MED23: variants seen among roughly 807,000 people sequenced by gnomAD.
The protein encoded by MED23 is mediator complex subunit 23, also known as mediator of RNA polymerase II transcription subunit 23.
MED23 carries 105 observed loss-of-function variants against 163.9 expected under a neutral mutation model. The ratio of observed to expected loss-of-function variants is 0.64; its 90% CI spans 0.55 to 0.75. The LOEUF (loss-of-function observed/expected upper bound fraction) is 0.75, where lower values mean the gene tolerates loss of function less well. Ranked by LOEUF, MED23 falls within the 30% of genes least tolerant of loss-of-function variation. The probability of loss-of-function intolerance (pLI) is 0.00; values close to 1 mark genes in which losing one functional copy is unlikely to be tolerated. For synonymous variants in MED23, 561 were observed against 565.6 expected, an observed-to-expected ratio of 0.99 and a Z score of 0.12; for missense variants, 1,054 against 1,649.0, an observed-to-expected ratio of 0.64 and a Z score of 6.25.
intron 9 of MED23, 143 bp from the exon 10 acceptor site, chr6:131,616,145 AT>A (rs1776672880): frequency 5.7e-6 from 4 of 702,314 alleles, no homozygotes; most frequent in Non-Finnish European, 1.0e-5. Context: ...AAATCATAGG[AT>A]TTTAGTGCTT....
rs942060268 is a variant in MED23 at position 131,587,049 on chromosome 6, T to G, written c.*630A>C. On this transcript the variant is annotated 3_prime_UTR_variant, in exon 29 of 29. Coordinates refer to ENST00000368068, the MANE Select transcript of MED23 (RefSeq NM_004830.4). ...GTTATTTTCTTACATGGCTTCCAAC[T>G]AATTTTATACAGTAAGTTCAAGTCC... 7.1e-7 allele frequency: 1 copy of G among 1,413,734 alleles called. No individual in the cohort carries two copies. The highest frequency in any genetic ancestry group is 1.4e-5 in the African/African-American group (1 of 68,970). The allele number at this position is 1,413,734 out of a possible 1,614,324, so 87.6% of individuals were successfully genotyped here.
chr6:131,625,996 C>G (rs1013535776), intron 3 of MED23, among the ~76,000 whole-genome samples: 1 of 151,514 alleles, frequency 6.6e-6, no homozygotes, highest in Non-Finnish European at 1.5e-5. Flanking sequence ...ATAGCAGGTG[C>G]CTGTAGTCCC....
downstream of MED23, chr6:131,582,758 T>G (rs201481295): frequency 2.5e-5 from 39 of 1,563,384 alleles, no homozygotes; most frequent in African/African-American, 4.2e-4. Context: ...TTTTTGTCCC[T>G]TTGTGTGCTA....
chr6:131,595,844 T>C, intron 22 of MED23, 103 bp downstream of exon 22: 1 of 832,904 alleles, frequency 1.2e-6, no homozygotes, highest in East Asian at 2.6e-5. Context: ...ATTTTTAAAA[T>C]ATTTAAAATA....
intron 23 of MED23, among the ~76,000 whole-genome samples, chr6:131,593,727 A>T (rs530908482): frequency 6.6e-6 from 1 of 152,236 alleles, no homozygotes; most frequent in East Asian, 1.9e-4. Flanking sequence ...TATTTACTAC[A>T]AACATTAATT....
In MED23 at chr6:131,620,983, T is replaced by G. The variant is rs56042701; in HGVS notation, c.496-254A>C. Among the ~76,000 whole-genome samples, 626 of 152,140 alleles carry G rather than the reference T, an allele frequency of 4.1e-3. 4 individuals are homozygous for G. Among genetic ancestry groups the G allele is most frequent in the African/African-American group, 0.014 (600 of 41,528 alleles). On this transcript the variant is annotated intron_variant, in intron 6 of 28. Coordinates refer to ENST00000368068, the MANE Select transcript of MED23 (RefSeq NM_004830.4). ...AGGCCCGGCTAACTTTTTAATTTTT[T>G]GTAAAGACAGGGTCTCCCCAGGATG...
chr6:131,599,695 G>A (rs1023004977), intron 18 of MED23, among the ~76,000 whole-genome samples: 2 of 150,770 alleles, frequency 1.3e-5, no homozygotes. Context: ...AACATGTCCA[G>A]TACCAGAGTA....
At position 131,620,110 on chromosome 6, in the gene MED23, T is replaced by A. The variant is rs576831735; in HGVS notation, c.598-214A>T. Among the ~76,000 whole-genome samples the A allele has an allele frequency of 2.0e-3, 303 of 152,242 alleles. 1 individual carries two copies. Among genetic ancestry groups the A allele is most frequent in the Non-Finnish European group, 3.4e-3 (232 of 68,006 alleles). The stretch of plus-strand genomic sequence containing the variant: ...AATTAAACCAAGTCACACCACCATA[T>A]CCTTAGCTATTTGATGAAGCTGATC... On this transcript the variant is annotated intron_variant, in intron 7 of 28. Transcript: ENST00000368068.
chr6:131,598,464 T>C lies in MED23; in HGVS notation c.2430A>G (p.Val810=), dbSNP rs745726346. Residue 810 remains valine (V), a synonymous_variant, in exon 20 of 29, where the codon GTA becomes GTG. Coordinates refer to ENST00000368068, the MANE Select transcript of MED23 (RefSeq NM_004830.4). The surrounding 1 kb of genome is among the most constrained non-coding windows in gnomAD (Gnocchi z 4.7). ...AGGCCCTGGCTCCAATTCTCTCTAA[T>C]ACTCTGGAAGGCAGAGAGTAAAACA... is the stretch of plus-strand genomic sequence containing the variant. ...TDHINQIGYR[V]LERIGARALV... is the part of the protein sequence containing the mutation. 18 of 1,614,050 alleles carry C rather than the reference T, an allele frequency of 1.1e-5. No homozygotes were observed. The highest frequency in any genetic ancestry group is 6.6e-5 in the South Asian group (6 of 91,088).
At position 131,579,251 on chromosome 6, in the gene MED23, G is replaced by A. The variant is rs374676787; in HGVS notation, c.4096-4956C>T. 74 of 1,613,932 alleles carry A rather than the reference G, an allele frequency of 4.6e-5. No homozygotes were observed. Among genetic ancestry groups the A allele is most frequent in the African/African-American group, 3.6e-4 (27 of 74,908 alleles). On this transcript the variant is annotated intron_variant, in intron 30 of 30. Coordinates refer to the MED23 transcript ENST00000354577. ...CAAGGTGGCAGAAGTCAAGAAGAAC[G>A]GAAGAATCAGCCTGGTGCTGGGCGG...
intron 28 of MED23, 22 bp downstream of exon 28, chr6:131,589,443 T>A: frequency 1.3e-6 from 2 of 1,599,224 alleles, no homozygotes; most frequent in Non-Finnish European, 1.7e-6. Flanking sequence ...TCATTAAAAA[T>A]AATTAAACAA....
intron 30 of MED23, among the ~76,000 whole-genome samples, chr6:131,577,936 C>T (rs187362616): frequency 3.3e-5 from 5 of 151,288 alleles, no homozygotes; most frequent in Non-Finnish European, 5.9e-5. Flanking sequence ...AGGAATGGAC[C>T]GCAAACACAG....
At position 131,618,416 on chromosome 6, in the gene MED23, T is replaced by G. The variant is rs1027748836; in HGVS notation, c.771A>C (p.Pro257=). Residue 257 remains proline, a synonymous_variant, in exon 9 of 29, where the codon CCA becomes CCC. Coordinates refer to ENST00000368068, the MANE Select transcript of MED23 (RefSeq NM_004830.4). ...TLRFPLKGLL[P]YDKDLFEPQT... is the part of the protein sequence containing the mutation. ...ATATTTAGCAACATACCTTATCATA[T>G]GGCAAAAGGCCTTTCAAAGGAAAAC... The G allele has an allele frequency of 6.2e-7, 1 of 1,611,610 alleles. No homozygotes were observed. Among genetic ancestry groups the G allele is most frequent in the Admixed American group, 1.7e-5 (1 of 59,972 alleles).
Position 131,586,739 on chromosome 6 carries a change from A to G in MED23, c.*940T>C. 6.9e-7 allele frequency: 1 copy of G among 1,447,778 alleles called. No individual in the cohort carries two copies. Among genetic ancestry groups the G allele is most frequent in the Non-Finnish European group, 9.2e-7 (1 of 1,084,958 alleles). The allele number at this position is 1,447,778 out of a possible 1,614,324, so 89.7% of individuals were successfully genotyped here. ...ACACTCATTCCAATGGAGTCGGGAA[A>G]CAATCACACGGTTTATTCATTCAGC... is the stretch of plus-strand genomic sequence containing the variant. On this transcript the variant is annotated 3_prime_UTR_variant, in exon 29 of 29. Transcript: ENST00000368068.
chr6:131,586,932 G>A lies in MED23; in HGVS notation c.*747C>T. On this transcript the variant is annotated 3_prime_UTR_variant, in exon 29 of 29. Transcript: ENST00000368068. ...ATTACATCATCTGTCAGGTGAGAGT[G>A]TCAACCTGCAAAAGCAATTAACTTA... is the stretch of plus-strand genomic sequence containing the variant. 1 of 1,474,786 alleles carries A rather than the reference G, an allele frequency of 6.8e-7. No homozygotes were observed. Among genetic ancestry groups the A allele is most frequent in the Non-Finnish European group, 9.1e-7 (1 of 1,095,160 alleles). The allele number at this position is 1,474,786 out of a possible 1,614,324, so 91.4% of individuals were successfully genotyped here.
intron 21 of MED23, 32 bp downstream of exon 21, chr6:131,596,486 G>A: frequency 6.2e-7 from 1 of 1,609,478 alleles, no homozygotes; most frequent in Non-Finnish European, 8.5e-7. Context: ...GGCTTTAAAA[G>A]GACTATTTGA....
chr6:131,624,296 C>A (rs1370066900), intron 4 of MED23, among the ~76,000 whole-genome samples: 1 of 152,204 alleles, frequency 6.6e-6, no homozygotes, highest in Non-Finnish European at 1.5e-5. Flanking sequence ...CAATTTCTGC[C>A]TAGCCCTCTT....
chr6:131,621,460 A>T (rs915426850), intron 6 of MED23, among the ~76,000 whole-genome samples: 1 of 152,148 alleles, frequency 6.6e-6, no homozygotes, highest in African/African-American at 2.4e-5. Flanking sequence ...TATGTAAAAA[A>T]TATCTAAAAA....
At chr6:131,584,202 A>T (rs909797455), downstream of MED23, 1 of 387,540 alleles carries the variant, frequency 2.6e-6, no homozygotes, top group Non-Finnish European at 4.7e-6. Context: ...AAGCACACTT[A>T]CATAAGCCCC....
Sources: gnomAD v4.1 joint callset for allele counts (sites outside exome capture counted in the v4.1 genomes callset) on GRCh38, gnomAD v4.1.1 for gene constraint, Gnocchi (gnomAD v3.1) non-coding constraint, MANE v1.5 for transcripts, NCBI Gene and HGNC (gene_info 2026-07-23, HGNC 2026-07-21) for gene names.